The following DCC variants were observed in gnomAD, a reference collection of about 807,000 sequenced individuals.
DCC encodes DCC netrin 1 receptor.
DCC carries 58 observed loss-of-function variants against 172.5 expected under a neutral mutation model. The ratio of observed to expected loss-of-function variants is 0.34; its 90% CI spans 0.27 to 0.42. DCC has a LOEUF of 0.42. Ranked by LOEUF, DCC falls within the 10% of genes least tolerant of loss-of-function variation. DCC has a pLI of 1.00. For synonymous variants in DCC, 709 were observed against 644.5 expected, an observed-to-expected ratio of 1.10 and a Z score of -1.52; for missense variants, 1,740 against 1,791.0, an observed-to-expected ratio of 0.97 and a Z score of 0.51.
intron 1 of DCC, among the ~76,000 whole-genome samples, chr18:52,463,488 A>G (rs941166406): frequency 1.3e-5 from 2 of 152,208 alleles, no homozygotes; most frequent in Non-Finnish European, 1.5e-5. Flanking sequence ...TGTGCTAAGA[A>G]CTATTATCTT....
intron 12 of DCC, among the ~76,000 whole-genome samples, chr18:53,246,638 G>C (rs1484703571): frequency 1.3e-5 from 2 of 152,086 alleles, no homozygotes; most frequent in Non-Finnish European, 2.9e-5. Context: ...TATTTATGCA[G>C]AACTGCTATG....
intron 1 of DCC, among the ~76,000 whole-genome samples, chr18:52,651,986 A>G (rs191340694): frequency 6.6e-6 from 1 of 152,344 alleles, no homozygotes; most frequent in East Asian, 1.9e-4. Context: ...CCACAGTATC[A>G]GCAAACCAGG....
rs141124660 is a variant in DCC, at chr18:53,158,862, G to A, written c.1418+1350G>A. 1.2e-4 allele frequency among the ~76,000 whole-genome samples: 18 copies of A among 151,646 alleles called. No individual in the cohort carries two copies. The East Asian group carries it at 2.7e-3, about 23-fold the overall frequency. Reference sequence around the variant, plus strand: ...CAAAAAATTAGCTGGGCATGGTGGCGCGCACCTGTCATCCTAGCCACTCAG... The same window carrying A: ...CAAAAAATTAGCTGGGCATGGTGGCACGCACCTGTCATCCTAGCCACTCAG... On this transcript the variant is annotated intron_variant, in intron 8 of 28. Coordinates refer to ENST00000442544, the MANE Select transcript of DCC (RefSeq NM_005215.4).
chr18:53,099,784 C>T (rs908803123), intron 7 of DCC, among the ~76,000 whole-genome samples: 1 of 151,936 alleles, frequency 6.6e-6, no homozygotes, highest in Admixed American at 6.6e-5. Context: ...ATTACTATTA[C>T]ATGTTATTTA....
At chr18:53,065,186 A>G (rs1017425483) in intron 6 of DCC, among the ~76,000 whole-genome samples, 5 of 152,228 alleles carry the variant, frequency 3.3e-5, no homozygotes, top group Non-Finnish European at 7.3e-5. Context: ...ATTTTACATC[A>G]GCTAGGAATT....
intron 12 of DCC, among the ~76,000 whole-genome samples, chr18:53,233,291 T>C (rs1164726696): frequency 6.6e-6 from 1 of 152,216 alleles, no homozygotes; most frequent in Admixed American, 6.5e-5. Flanking sequence ...TATTTCTTCA[T>C]GTAATTCACA....
intron 2 of DCC, among the ~76,000 whole-genome samples, chr18:52,804,264 T>G (rs987224212): frequency 1.5e-5 from 2 of 137,498 alleles, no homozygotes; most frequent in African/African-American, 5.2e-5. Flanking sequence ...GTTCTCATGA[T>G]TTCTTTTTAA....
intron 1 of DCC, among the ~76,000 whole-genome samples, chr18:52,514,397 TCC>T (rs2031550567): frequency 6.6e-6 from 1 of 152,198 alleles, no homozygotes. Flanking sequence ...TTTGACAGCA[TCC>T]CTGGCCTCTA....
intron 20 of DCC, 120 bp from the exon 21 acceptor site, chr18:53,416,004 T>C: frequency 1.3e-6 from 1 of 745,062 alleles, no homozygotes; most frequent in Non-Finnish European, 2.4e-6. Context: ...ATCAATTTTA[T>C]TTCAAGAGGG....
At chr18:53,285,350 C>A (rs990232185) in intron 12 of DCC, among the ~76,000 whole-genome samples, 2 of 152,164 alleles carry the variant, frequency 1.3e-5, no homozygotes, top group African/African-American at 4.8e-5. Context: ...GCCCTGCATC[C>A]CAGCCACTCC....
chr18:52,621,132 G>A (rs1598963552), intron 1 of DCC, among the ~76,000 whole-genome samples: 1 of 152,208 alleles, frequency 6.6e-6, no homozygotes, highest in Admixed American at 6.5e-5. Flanking sequence ...TTGTCTCACA[G>A]TGTCAACATT....
chr18:53,281,216 A>G (rs982585759), intron 12 of DCC, among the ~76,000 whole-genome samples: 1 of 152,158 alleles, frequency 6.6e-6, no homozygotes, highest in Non-Finnish European at 1.5e-5. Context: ...ATTATTTGCC[A>G]TCAACTTTCC....
intron 5 of DCC, among the ~76,000 whole-genome samples, chr18:52,936,878 T>C (rs1317963370): frequency 6.6e-6 from 1 of 152,188 alleles, no homozygotes; most frequent in Admixed American, 6.5e-5. Flanking sequence ...TTTCAAAGAC[T>C]AGGGAGCAAT....
chr18:52,507,763 G>T (rs147859513), intron 1 of DCC, among the ~76,000 whole-genome samples: 1 of 152,004 alleles, frequency 6.6e-6, no homozygotes, highest in Non-Finnish European at 1.5e-5. Context: ...GTATCAAACC[G>T]TTTTTTCTTT....
intron 1 of DCC, among the ~76,000 whole-genome samples, chr18:52,684,039 C>A (rs2035790422): frequency 6.6e-6 from 1 of 152,104 alleles, no homozygotes; most frequent in Non-Finnish European, 1.5e-5. Flanking sequence ...AGGAGTTATA[C>A]CATCCATGTG....
At chr18:52,498,446 A>C (rs1482026885) in intron 1 of DCC, among the ~76,000 whole-genome samples, 1 of 152,088 alleles carries the variant, frequency 6.6e-6, no homozygotes, top group Non-Finnish European at 1.5e-5. Context: ...CAACATGGTG[A>C]ATACCTGTCT....
intron 12 of DCC, among the ~76,000 whole-genome samples, chr18:53,282,851 C>T (rs1052550371): frequency 2.0e-5 from 3 of 151,962 alleles, no homozygotes; most frequent in African/African-American, 7.3e-5. Context: ...CCATTGGGTA[C>T]CAAATTTTAA....
chr18:52,867,609 G>C (rs915389011), intron 2 of DCC, among the ~76,000 whole-genome samples: 1 of 151,764 alleles, frequency 6.6e-6, no homozygotes, highest in Non-Finnish European at 1.5e-5. Flanking sequence ...GTTTAGTCTT[G>C]GGAGGGCGTA....
chr18:52,511,575 G>C (rs2144648359), intron 1 of DCC, among the ~76,000 whole-genome samples: 1 of 152,162 alleles, frequency 6.6e-6, no homozygotes, highest in East Asian at 1.9e-4. Flanking sequence ...GAGTGCTACT[G>C]GTGTCTAATA....
Sources: allele counts gnomAD v4.1 joint callset (sites outside exome capture counted in the v4.1 genomes callset), GRCh38; gene constraint gnomAD v4.1.1; transcripts MANE v1.5; gene names NCBI Gene and HGNC (gene_info 2026-07-23, HGNC 2026-07-21).